The following CASP8 variants were observed in gnomAD, a reference collection of about 807,000 sequenced individuals.
CASP8 encodes caspase 8.
A neutral mutation model predicts 46.3 loss-of-function variants in CASP8; 24 were observed. The observed-to-expected ratio is 0.52, with a 90% CI of 0.38 to 0.73. The LOEUF is 0.73. Ranked by LOEUF, CASP8 falls within the 30% of genes least tolerant of loss-of-function variation. The pLI is 0.00. For missense variants in CASP8, 460 were observed against 559.0 expected (o/e 0.82, Z 1.79); for synonymous variants, 188 against 200.4 (o/e 0.94, Z 0.52).
chr2:201,237,036 T>C (rs1946078004), intron 2 of CASP8, among the ~76,000 whole-genome samples: 1 of 152,142 alleles, frequency 6.6e-6, no homozygotes, highest in Admixed American at 6.5e-5. Flanking sequence ...ATTTGGATTC[T>C]TTTCAGTGCG....
chr2:201,246,255 C>A (rs551871175), intron 2 of CASP8, among the ~76,000 whole-genome samples: 1 of 152,224 alleles, frequency 6.6e-6, no homozygotes, highest in African/African-American at 2.4e-5. Flanking sequence ...AAAAGACAGC[C>A]CAGGGCACAA....
At chr2:201,240,501 C>T (rs2124897837) in intron 2 of CASP8, 1 of 152,274 alleles carries the variant, frequency 6.6e-6, no homozygotes, top group African/African-American at 2.4e-5. Context: ...AATATATGCA[C>T]TCAATATCAG....
At chr2:201,263,826 A>T (rs1255201040) in intron 1 of CASP8, among the ~76,000 whole-genome samples, 1 of 152,236 alleles carries the variant, frequency 6.6e-6, no homozygotes, top group East Asian at 1.9e-4. Flanking sequence ...ATAAGAATGG[A>T]TCTTTAAATA....
chr2:201,240,058 G>A (rs1018575411), intron 2 of CASP8, among the ~76,000 whole-genome samples: 3 of 152,030 alleles, frequency 2.0e-5, no homozygotes, highest in Non-Finnish European at 4.4e-5. Flanking sequence ...ACTCAAATAG[G>A]CCCATTTTTA....
chr2:201,281,949 T>TTC, intron 7 of CASP8: 1 of 181,030 alleles, frequency 5.5e-6, no homozygotes, highest in Admixed American at 9.3e-5. Context: ...TTTTTTTTTT[T>TTC]TTTTTTATTG....
chr2:201,256,723 A>C (rs1311937373), upstream of CASP8, among the ~76,000 whole-genome samples: 1 of 152,214 alleles, frequency 6.6e-6, no homozygotes, highest in Non-Finnish European at 1.5e-5. Context: ...AATACCCTGA[A>C]TTAGAGAATT....
intron 2 of CASP8, chr2:201,242,169 A>G (rs1946327295): frequency 6.6e-6 from 1 of 152,228 alleles, no homozygotes; most frequent in Non-Finnish European, 1.5e-5. Context: ...AGTAATTGAA[A>G]CAGCATGGGA....
At chr2:201,255,785 C>T (rs186771019), upstream of CASP8, among the ~76,000 whole-genome samples, 2 of 152,248 alleles carry the variant, frequency 1.3e-5, no homozygotes, top group East Asian at 1.9e-4. Context: ...GACAGGGCCT[C>T]GCTCTGTCAC....
upstream of CASP8, among the ~76,000 whole-genome samples, chr2:201,259,169 C>A (rs1452635892): frequency 3.9e-5 from 6 of 151,970 alleles, 1 homozygote; most frequent in East Asian, 1.9e-4. Context: ...GTTTCTATTT[C>A]TTTTTTATTT....
chr2:201,255,668 T>C (rs35358398), upstream of CASP8, among the ~76,000 whole-genome samples: 1 of 152,376 alleles, frequency 6.6e-6, no homozygotes, highest in African/African-American at 2.4e-5. Flanking sequence ...TTGCATTTAA[T>C]TGCATCATCT....
At chr2:201,263,043 G>A (rs1282928333) in intron 1 of CASP8, among the ~76,000 whole-genome samples, 1 of 152,182 alleles carries the variant, frequency 6.6e-6, no homozygotes, top group Non-Finnish European at 1.5e-5. Flanking sequence ...TTGTCACGTT[G>A]TTGAAAAGGT....
chr2:201,243,833 G>A (rs1271120870), intron 2 of CASP8, among the ~76,000 whole-genome samples: 1 of 152,192 alleles, frequency 6.6e-6, no homozygotes, highest in African/African-American at 2.4e-5. Flanking sequence ...AGTCCTGACT[G>A]CAGCTCCCCC....
At chr2:201,250,085 G>A (rs1342753871) in intron 2 of CASP8, among the ~76,000 whole-genome samples, 1 of 152,206 alleles carries the variant, frequency 6.6e-6, no homozygotes, top group Non-Finnish European at 1.5e-5. Flanking sequence ...ATATGATAGA[G>A]CAAAGAGTTT....
chr2:201,240,844 T>C (rs1209206039), intron 2 of CASP8: 1 of 152,064 alleles, frequency 6.6e-6, no homozygotes, highest in African/African-American at 2.4e-5. Flanking sequence ...CTGACCATGA[T>C]GGAATGAAAC....
At chr2:201,245,667 C>T (rs748043905) in intron 2 of CASP8, among the ~76,000 whole-genome samples, 17 of 152,184 alleles carry the variant, frequency 1.1e-4, no homozygotes, top group African/African-American at 3.6e-4. Flanking sequence ...TAGCCTGCCA[C>T]GGCTCCAGGT....
At chr2:201,245,389 C>T (rs746541058) in intron 2 of CASP8, among the ~76,000 whole-genome samples, 1 of 151,972 alleles carries the variant, frequency 6.6e-6, no homozygotes, top group Non-Finnish European at 1.5e-5. Flanking sequence ...TACAGACACG[C>T]ACCACCATGC....
At chr2:201,234,336 ATT>A in intron 2 of CASP8, among the ~76,000 whole-genome samples, 1 of 152,302 alleles carries the variant, frequency 6.6e-6, no homozygotes, top group Admixed American at 6.5e-5. Context: ...GCTAAAATGC[ATT>A]GTCTTCCTAT....
Position 201,285,237 on chromosome 2 carries a change from CTG to C in CASP8, c.1228_1229del (p.Val410PhefsTer28), listed in dbSNP as rs587776665. ...FLLGMATVNN[C>X]VSYRNPAEGT... ...TGCTGGGGATGGCCACTGTGAATAA[CTG>C]TGTTTCCTACCGAAACCCTGCAGAG... On this transcript the variant is annotated frameshift_variant, in exon 8 of 9. Transcript: ENST00000673742. LOFTEE classifies it high-confidence loss of function. 7 of 1,614,112 alleles carry C rather than the reference CTG, an allele frequency of 4.3e-6. No individual in the cohort carries two copies. Among genetic ancestry groups the C allele is most frequent in the Non-Finnish European group, 5.9e-6 (7 of 1,180,050 alleles).
intron 7 of CASP8, among the ~76,000 whole-genome samples, chr2:201,284,020 G>A (rs1455913715): frequency 8.6e-5 from 1 of 11,564 alleles, no homozygotes. Flanking sequence ...CCCAGCAGAG[G>A]CGCTCCTCAC....
Sources: allele counts gnomAD v4.1 joint callset (sites outside exome capture counted in the v4.1 genomes callset), GRCh38; gene constraint gnomAD v4.1.1; transcripts MANE v1.5; gene names NCBI Gene and HGNC (gene_info 2026-07-23, HGNC 2026-07-21).